Variants in OTUD7B observed in about 807,000 individuals in gnomAD.
OTUD7B encodes the protein OTU deubiquitinase 7B, also known as OTU domain-containing protein 7B.
OTUD7B carries 34 observed loss-of-function variants against 82.2 expected under a neutral mutation model. That is an observed-to-expected ratio of 0.41 (90% CI 0.31 to 0.55). The LOEUF (loss-of-function observed/expected upper bound fraction) is 0.55, where lower values mean the gene tolerates loss of function less well. Ranked by LOEUF, OTUD7B falls within the 20% of genes least tolerant of loss-of-function variation. The pLI is 0.20. For missense variants in OTUD7B, 944 were observed against 1,062.1 expected (o/e 0.89, Z 1.55); for synonymous variants, 398 against 402.7 (o/e 0.99, Z 0.14).
chr1:149,994,820 T>C (rs140299188), intron 1 of OTUD7B, among the ~76,000 whole-genome samples: 100 of 152,172 alleles, frequency 6.6e-4, no homozygotes, highest in African/African-American at 2.3e-3. Context: ...GCATTTTCAA[T>C]TCAAGAAGTT....
chr1:150,010,289 G>C (rs1452584657), intron 1 of OTUD7B, among the ~76,000 whole-genome samples, 159 bp downstream of exon 1: 1 of 152,116 alleles, frequency 6.6e-6, no homozygotes, highest in Non-Finnish European at 1.5e-5. Flanking sequence ...GAGCAGTCAG[G>C]GCGAGAAAGG....
chr1:150,001,818 T>A (rs187498119), intron 1 of OTUD7B, among the ~76,000 whole-genome samples: 2 of 152,254 alleles, frequency 1.3e-5, no homozygotes, highest in Non-Finnish European at 2.9e-5. Context: ...AATTTAAAAA[T>A]CACAACTCAG....
intron 1 of OTUD7B, among the ~76,000 whole-genome samples, chr1:150,003,435 T>C (rs2101935304): frequency 6.6e-6 from 1 of 152,256 alleles, no homozygotes; most frequent in South Asian, 2.1e-4. Context: ...TTGTCATCTG[T>C]AGAGTATATC....
At chr1:149,997,390 T>C (rs1553783687) in intron 1 of OTUD7B, among the ~76,000 whole-genome samples, 1 of 152,192 alleles carries the variant, frequency 6.6e-6, no homozygotes, top group Non-Finnish European at 1.5e-5. Context: ...TCTATGTCAG[T>C]AAATTGTTTT....
At chr1:149,987,296 G>A (rs782267926) in intron 1 of OTUD7B, among the ~76,000 whole-genome samples, 6 of 152,200 alleles carry the variant, frequency 3.9e-5, no homozygotes, top group Non-Finnish European at 7.3e-5. Flanking sequence ...AACACGGGCA[G>A]TCCACCATGT....
intron 1 of OTUD7B, among the ~76,000 whole-genome samples, chr1:150,003,323 A>C (rs587694090): frequency 6.6e-6 from 1 of 151,834 alleles, no homozygotes; most frequent in South Asian, 2.1e-4. Flanking sequence ...CCTCCATCCC[A>C]TCCTCCAGCC....
chr1:149,945,124 C>A, intron 11 of OTUD7B, 59 bp from the exon 12 acceptor site: 26 of 1,559,952 alleles, frequency 1.7e-5, no homozygotes, highest in Non-Finnish European at 2.2e-5. Flanking sequence ...GGGGGAATCC[C>A]CCAGGGACCT....
the OTUD7B span, among the ~76,000 whole-genome samples, chr1:150,064,864 A>G: frequency 4.6e-5 from 7 of 152,272 alleles, no homozygotes; most frequent in South Asian, 2.1e-4. Context: ...CCATATTGTT[A>G]TTATAATTAT....
chr1:149,937,918 C>T lies in OTUD7B; in HGVS notation c.*5939G>A, dbSNP rs1444958298. ...GTGACACTCAATTTTCCCCTCCCCC[C>T]AGTACACCACCCTTCTGGCCTCAGC... On this transcript the variant is annotated 3_prime_UTR_variant, in exon 12 of 12. Transcript: ENST00000581312. 6.6e-6 allele frequency: 1 copy of T among 152,164 alleles called. No individual in the cohort carries two copies. The allele number at this position is 152,164 out of a possible 1,614,324, so 9.4% of individuals were successfully genotyped here.
chr1:150,053,079 A>G, the OTUD7B span, among the ~76,000 whole-genome samples: 2 of 152,322 alleles, frequency 1.3e-5, no homozygotes, highest in Non-Finnish European at 2.9e-5. Flanking sequence ...CAAAACTATA[A>G]AAACCCTGGA....
chr1:149,944,037 C>T lies in OTUD7B; in HGVS notation c.2352G>A (p.Glu784=), dbSNP rs782061349. 10 of 1,614,236 alleles carry T rather than the reference C, an allele frequency of 6.2e-6. No individual in the cohort carries two copies. Among genetic ancestry groups the T allele is most frequent in the Non-Finnish European group, 8.5e-6 (10 of 1,180,040 alleles). The change falls in exon 12 of 12, where the codon GAG becomes GAA. Residue 784 remains glutamate, a synonymous_variant. Coordinates refer to ENST00000581312, the MANE Select transcript of OTUD7B (RefSeq NM_020205.4). ...SYSNGYREPP[E]PDGWAGGLRG... Reference sequence around the variant, plus strand: ...GGAGACCTCCAGCCCATCCATCTGGCTCAGGGGGCTCTCTGTAGCCATTGC... The same window carrying T: ...GGAGACCTCCAGCCCATCCATCTGGTTCAGGGGGCTCTCTGTAGCCATTGC...
chr1:149,962,807 G>A (rs1047191907), intron 6 of OTUD7B: 2 of 152,174 alleles, frequency 1.3e-5, no homozygotes, highest in Non-Finnish European at 2.9e-5. Context: ...ACTCAACAGT[G>A]AAGAGGACAA....
chr1:149,970,321 T>C (rs368743566), intron 3 of OTUD7B, among the ~76,000 whole-genome samples: 2 of 47,552 alleles, frequency 4.2e-5, no homozygotes, highest in Non-Finnish European at 6.7e-5. Context: ...TATTCATTTA[T>C]TTATTTTTTT....
intron 2 of OTUD7B, among the ~76,000 whole-genome samples, chr1:149,976,059 TG>T (rs1571670153): frequency 2.6e-5 from 4 of 151,730 alleles, no homozygotes; most frequent in Non-Finnish European, 5.9e-5. Context: ...AGGACAAAGT[TG>T]TACTAAATTA....
intron 5 of OTUD7B, 103 bp downstream of exon 5, chr1:149,965,674 T>C (rs1553776416): frequency 2.1e-5 from 17 of 797,780 alleles, no homozygotes; most frequent in Non-Finnish European, 3.6e-5. Context: ...TGAACCATCA[T>C]TTCCGCCTAA....
chr1:149,965,714 C>A, intron 5 of OTUD7B, 63 bp downstream of exon 5: 3 of 1,174,006 alleles, frequency 2.6e-6, no homozygotes, highest in Non-Finnish European at 3.8e-6. Flanking sequence ...AAGTCCTACA[C>A]ATGAGATTTG....
intron 1 of OTUD7B, among the ~76,000 whole-genome samples, chr1:150,009,545 C>T (rs1420426042): frequency 1.3e-5 from 2 of 152,186 alleles, no homozygotes; most frequent in Non-Finnish European, 2.9e-5. Context: ...CTAGGCTTTG[C>T]ATTCGTGAAA....
chr1:150,013,705 G>A (rs1653168662), upstream of OTUD7B, among the ~76,000 whole-genome samples: 1 of 150,672 alleles, frequency 6.6e-6, no homozygotes, highest in Non-Finnish European at 1.5e-5. Flanking sequence ...GGCGGATCAT[G>A]AGGTCAGGAG....
chr1:149,949,696 G>A lies in OTUD7B; in HGVS notation c.1056C>T (p.Leu352=), dbSNP rs587633239. Reference sequence around the variant, plus strand: ...CAGAAAAGTGGGCCTGATCATAGGCGAGCACCAGAGGGGAGCGGTGACACT... The same window carrying A: ...CAGAAAAGTGGGCCTGATCATAGGCAAGCACCAGAGGGGAGCGGTGACACT... The part of the protein sequence containing the change: ...ASQCHRSPLV[L]AYDQAHFSAL... The change falls in exon 9 of 12, where the codon CTC becomes CTT. Residue 352 remains leucine (L), a synonymous_variant. Transcript: ENST00000581312. 5.0e-6 allele frequency: 8 copies of A among 1,614,082 alleles called. No homozygotes were observed. The East Asian group carries it at 6.7e-5, about 13-fold the overall frequency.
Sources: gnomAD v4.1 joint callset for allele counts (sites outside exome capture counted in the v4.1 genomes callset) on GRCh38, gnomAD v4.1.1 for gene constraint, MANE v1.5 for transcripts, NCBI Gene and HGNC (gene_info 2026-07-23, HGNC 2026-07-21) for gene names.